Variants in DLGAP2 observed in about 807,000 individuals in gnomAD.
The protein encoded by DLGAP2 is disks large-associated protein 2.
DLGAP2 carries 26 observed loss-of-function variants against 100.3 expected under a neutral mutation model. The ratio of observed to expected loss-of-function variants is 0.26; its 90% confidence interval spans 0.19 to 0.36. The LOEUF (loss-of-function observed/expected upper bound fraction) is 0.36. Among genes scored for constraint, DLGAP2 ranks in the 10% least tolerant of loss-of-function variants. The pLI is 1.00. For synonymous variants in DLGAP2, 886 were observed against 630.1 expected, an observed-to-expected ratio of 1.41 and a Z score of -6.08; for missense variants, 1,858 against 1,453.2, an observed-to-expected ratio of 1.28 and a Z score of -4.53.
chr8:869,242 TCA>T (rs1797553999), intron 1 of DLGAP2, among the ~76,000 whole-genome samples: 1 of 152,220 alleles, frequency 6.6e-6, no homozygotes, highest in African/African-American at 2.4e-5. Flanking sequence ...TGGCTGGAAG[TCA>T]CAGTGTGGAT....
chr8:1,092,874 C>G (rs375215377), intron 2 of DLGAP2, among the ~76,000 whole-genome samples: 21 of 152,248 alleles, frequency 1.4e-4, no homozygotes, highest in African/African-American at 4.8e-4. Flanking sequence ...TGGGTTCAGC[C>G]CAGATCAGCC....
intron 12 of DLGAP2, 88 bp from the exon 13 acceptor site, chr8:1,691,447 C>T (rs750353751): frequency 6.2e-6 from 7 of 1,130,126 alleles, no homozygotes; most frequent in Non-Finnish European, 2.6e-6. Context: ...CAGTGGGACT[C>T]GCTCCCTTGG....
chr8:1,623,910 T>C (rs537464575), intron 6 of DLGAP2, among the ~76,000 whole-genome samples: 4 of 152,272 alleles, frequency 2.6e-5, no homozygotes, highest in African/African-American at 7.2e-5. Flanking sequence ...AACATTTATG[T>C]GTCACACTCC....
intron 2 of DLGAP2, among the ~76,000 whole-genome samples, chr8:1,256,741 T>C (rs1026298025): frequency 1.3e-5 from 2 of 152,212 alleles, no homozygotes; most frequent in Non-Finnish European, 2.9e-5. Flanking sequence ...CCCCACTTTC[T>C]GCAGAATTTG....
In DLGAP2 at chr8:1,511,613, T is replaced by G. The variant is rs1181735800; in HGVS notation, c.172+10182T>G. On this transcript the variant is annotated intron_variant, in intron 4 of 14. Transcript: ENST00000637795. The stretch of plus-strand genomic sequence containing the variant: ...ATGACCATCTTCCATGGACGTAAGG[T>G]CTGTCTAGTGTAGGACAATCAGTAG... 6.8e-3 allele frequency among the ~76,000 whole-genome samples: 738 copies of G among 108,512 alleles called. 2 individuals are homozygous for G. Among genetic ancestry groups the G allele is most frequent in the Middle Eastern group, 0.052 (7 of 134 alleles). The allele number at this position is 108,512 out of a possible 152,430, so 71.2% of individuals were successfully genotyped here.
intron 1 of DLGAP2, among the ~76,000 whole-genome samples, chr8:866,162 C>T (rs1300079385): frequency 6.6e-6 from 1 of 152,156 alleles, no homozygotes; most frequent in Non-Finnish European, 1.5e-5. Flanking sequence ...GGCCGGGGCC[C>T]TCGGTGCCTC....
intron 2 of DLGAP2, among the ~76,000 whole-genome samples, chr8:966,146 C>T (rs1176606740): frequency 6.6e-6 from 1 of 152,172 alleles, no homozygotes; most frequent in Non-Finnish European, 1.5e-5. Flanking sequence ...GTTTCTTGCA[C>T]AGTAAACGCA....
In DLGAP2 at chr8:1,678,218, G is replaced by A. The variant is rs200878996; in HGVS notation, c.2293G>A (p.Gly765Arg). The A allele has an allele frequency of 2.1e-5, 33 of 1,607,714 alleles. No homozygotes were observed. The highest frequency in any genetic ancestry group is 6.7e-5 in the East Asian group (3 of 44,742). ...CTTCCTTCCCTCCTTTTGCAGACAC[G>A]GACGTTTTAAACGTTCTAACAGCGT... The part of the protein sequence containing the change: ...GVQVEDEKRH[G>R]RFKRSNSVTA... The change falls in exon 12 of 15, where the codon GGA becomes AGA. Residue 765 changes from glycine to arginine, a missense_variant. By Grantham distance (125) the Gly-to-Arg change is moderately radical. Coordinates refer to ENST00000637795, the MANE Select transcript of DLGAP2 (RefSeq NM_001346810.2).
At chr8:1,488,003 C>T (rs144829464) in intron 3 of DLGAP2, among the ~76,000 whole-genome samples, 1 of 148,616 alleles carries the variant, frequency 6.7e-6, no homozygotes, top group Non-Finnish European at 1.5e-5. Context: ...GAAATGATCG[C>T]TTTGAAAGGA....
chr8:827,864 G>A (rs1054527271), intron 1 of DLGAP2, among the ~76,000 whole-genome samples: 55 of 152,210 alleles, frequency 3.6e-4, no homozygotes, highest in Admixed American at 5.2e-4. Context: ...TTTCCTAAGC[G>A]TCGGCTGGCT....
At chr8:804,044 A>G (rs574999102) in intron 1 of DLGAP2, among the ~76,000 whole-genome samples, 3 of 152,224 alleles carry the variant, frequency 2.0e-5, no homozygotes, top group African/African-American at 4.8e-5. Flanking sequence ...TATGGTGGCG[A>G]GAGTGGTGTT....
chr8:1,597,238 A>G (rs1796485528), intron 6 of DLGAP2, among the ~76,000 whole-genome samples: 1 of 152,154 alleles, frequency 6.6e-6, no homozygotes, highest in Non-Finnish European at 1.5e-5. Context: ...CTGTTTTGAT[A>G]CTAGTACCAT....
chr8:1,129,299 A>T (rs1796237160), intron 2 of DLGAP2, among the ~76,000 whole-genome samples: 1 of 151,454 alleles, frequency 6.6e-6, no homozygotes, highest in African/African-American at 2.4e-5. Context: ...GCTGCTCGGG[A>T]GGCTGAGGCA....
chr8:1,350,330 A>C, intron 3 of DLGAP2, among the ~76,000 whole-genome samples: 2 of 95,890 alleles, frequency 2.1e-5, no homozygotes, highest in African/African-American at 7.3e-5. Context: ...GTGCGTGGAA[A>C]GGCCGTGCGG....
chr8:1,663,122 TG>T (rs942673744), intron 8 of DLGAP2, among the ~76,000 whole-genome samples: 1 of 70,396 alleles, frequency 1.4e-5, no homozygotes, highest in African/African-American at 5.6e-5. Context: ...GTACACAGTG[TG>T]GGGGGTGTGT....
At chr8:1,069,496 A>G (rs1454838441) in intron 2 of DLGAP2, among the ~76,000 whole-genome samples, 1 of 152,070 alleles carries the variant, frequency 6.6e-6, no homozygotes, top group East Asian at 1.9e-4. Context: ...GGGGACTTGC[A>G]TTTTTGCTTT....
At chr8:1,577,039 C>T (rs534077349) in intron 6 of DLGAP2, among the ~76,000 whole-genome samples, 48 of 152,236 alleles carry the variant, frequency 3.2e-4, no homozygotes, top group African/African-American at 1.1e-3. Context: ...CTACAGTAAC[C>T]GAGACAGGAG....
chr8:979,459 G>T (rs894159987), intron 2 of DLGAP2, among the ~76,000 whole-genome samples: 1 of 152,216 alleles, frequency 6.6e-6, no homozygotes, highest in Non-Finnish European at 1.5e-5. Flanking sequence ...CTTGTTCCCA[G>T]CCTCACATCC....
At chr8:1,443,931 C>T (rs1433329834) in intron 3 of DLGAP2, among the ~76,000 whole-genome samples, 1 of 152,140 alleles carries the variant, frequency 6.6e-6, no homozygotes, top group Non-Finnish European at 1.5e-5. Context: ...TGATTAAAAG[C>T]AATAACTTTA....
Sources: allele counts gnomAD v4.1 joint callset (sites outside exome capture counted in the v4.1 genomes callset), GRCh38; gene constraint gnomAD v4.1.1; transcripts MANE v1.5; gene names NCBI Gene and HGNC (gene_info 2026-07-23, HGNC 2026-07-21).